The following PIWIL2 variants were observed in gnomAD, a reference collection of about 807,000 sequenced individuals.
PIWIL2 encodes piwi-like protein 2.
A neutral mutation model predicts 116.5 loss-of-function variants in PIWIL2; 81 were observed. The ratio of observed to expected loss-of-function variants is 0.70; its 90% CI spans 0.58 to 0.84. PIWIL2 has a LOEUF of 0.84. Ranked by LOEUF, PIWIL2 falls within the 40% of genes least tolerant of loss-of-function variation. PIWIL2 has a pLI of 0.00. For missense variants in PIWIL2, 1,272 were observed against 1,212.3 expected, an observed-to-expected ratio of 1.05 and a Z score of -0.73; for synonymous variants, 489 against 429.5, an observed-to-expected ratio of 1.14 and a Z score of -1.71.
intron 20 of PIWIL2, among the ~76,000 whole-genome samples, chr8:22,352,437 A>G (rs1327594139): frequency 6.6e-6 from 1 of 152,210 alleles, no homozygotes; most frequent in Non-Finnish European, 1.5e-5. Flanking sequence ...TGTATGTTTT[A>G]CACCATACCA....
intron 10 of PIWIL2, among the ~76,000 whole-genome samples, chr8:22,293,600 C>T (rs1427873363): frequency 6.6e-6 from 1 of 152,234 alleles, no homozygotes; most frequent in Non-Finnish European, 1.5e-5. Context: ...GCTGGGATTA[C>T]AGGCATGAAC....
rs189639554 is a variant in PIWIL2, at chr8:22,315,952, A to C, written c.2209-293A>C. Among the ~76,000 whole-genome samples the C allele has an allele frequency of 4.2e-4, 64 of 152,292 alleles. 1 individual carries two copies. Among genetic ancestry groups the C allele is most frequent in the African/African-American group, 1.5e-3 (64 of 41,564 alleles). The stretch of plus-strand genomic sequence containing the variant: ...CTTTGAGTGTCATGTCGGTGCTCAA[A>C]AGCTTTTCAGATTTGGGAATGCTCA... On this transcript the variant is annotated intron_variant, in intron 18 of 22. Coordinates refer to ENST00000356766, the MANE Select transcript of PIWIL2 (RefSeq NM_018068.5).
intron 10 of PIWIL2, among the ~76,000 whole-genome samples, chr8:22,293,408 T>C (rs1232292268): frequency 6.6e-6 from 1 of 152,196 alleles, no homozygotes; most frequent in Non-Finnish European, 1.5e-5. Context: ...GACATGATGT[T>C]GGTTCACTGC....
intron 1 of PIWIL2, among the ~76,000 whole-genome samples, chr8:22,278,066 G>T (rs142617200): frequency 6.6e-6 from 1 of 151,876 alleles, no homozygotes; most frequent in Non-Finnish European, 1.5e-5. Context: ...TACTCGGGAC[G>T]CTGAGGCAGG....
chr8:22,355,433 A>G lies in PIWIL2; in HGVS notation c.2850A>G (p.Leu950=), dbSNP rs777203467. ...CTCCTTGCAAGTATGCCCACAAGCT[A>G]GCTTTCCTGTCAGGACACATCTTGC... The part of the protein sequence containing the change: ...VPAPCKYAHK[L]AFLSGHILHH... The change falls in exon 23 of 23, where the codon CTA becomes CTG. Residue 950 remains leucine, a synonymous_variant. Coordinates refer to ENST00000356766, the MANE Select transcript of PIWIL2 (RefSeq NM_018068.5). The G allele has an allele frequency of 5.0e-6, 8 of 1,614,066 alleles. No individual in the cohort carries two copies. In the East Asian group the frequency reaches 1.6e-4, roughly 31 times the overall value.
intron 20 of PIWIL2, among the ~76,000 whole-genome samples, chr8:22,346,926 A>AG (rs953148429): frequency 4.6e-5 from 7 of 152,038 alleles, no homozygotes; most frequent in Admixed American, 4.6e-4. Context: ...CTGTAATCCC[A>AG]ACACTGGGAG....
intron 20 of PIWIL2, among the ~76,000 whole-genome samples, chr8:22,330,049 C>G (rs948808301): frequency 2.0e-5 from 3 of 152,118 alleles, no homozygotes; most frequent in Admixed American, 1.3e-4. Context: ...TCCTCTTGTT[C>G]TTCTCCTTTT....
intron 2 of PIWIL2, 127 bp from the exon 3 acceptor site, chr8:22,280,993 G>T (rs80293649): frequency 0.058 from 33,845 of 582,674 alleles, 1,295 homozygotes; most frequent in Admixed American, 0.1. Context: ...TTTATAAAAT[G>T]TTTCCCTTTA....
At chr8:22,302,530 ACT>A (rs983831194) in intron 10 of PIWIL2, among the ~76,000 whole-genome samples, 4 of 149,854 alleles carry the variant, frequency 2.7e-5, no homozygotes, top group African/African-American at 9.8e-5. Flanking sequence ...GAGACTAAAG[ACT>A]CTGTTATTTC....
Position 22,289,145 on chromosome 8 carries a change from CTTTTTTCTTTT to C in PIWIL2, c.986+486_986+496del, listed in dbSNP as rs1224789468. On this transcript the variant is annotated intron_variant, in intron 8 of 22. Transcript: ENST00000356766. ...AACACAACCTAATTTCTTTTCTTTT[CTTTTTTCTTTT>C]TTTTTTTTTTTTTGAGAGACGGAGT... Among the ~76,000 whole-genome samples, 11 of 146,408 alleles carry C rather than the reference CTTTTTTCTTTT, an allele frequency of 7.5e-5. No homozygotes were observed. The East Asian group carries it at 2.2e-3, about 29-fold the overall frequency.
intron 16 of PIWIL2, 113 bp from the exon 17 acceptor site, chr8:22,314,215 G>A (rs574162806): frequency 4.3e-6 from 2 of 467,976 alleles, no homozygotes; most frequent in East Asian, 6.6e-5. Flanking sequence ...TCAGTTCCCT[G>A]TCTTCCTTAA....
intron 20 of PIWIL2, among the ~76,000 whole-genome samples, chr8:22,345,152 A>C (rs1441744135): frequency 6.6e-6 from 1 of 152,224 alleles, no homozygotes; most frequent in Non-Finnish European, 1.5e-5. Flanking sequence ...AATAGCCACA[A>C]TACTCCAGCC....
intron 20 of PIWIL2, among the ~76,000 whole-genome samples, chr8:22,337,075 T>G (rs946777461): frequency 2.6e-5 from 4 of 152,186 alleles, no homozygotes; most frequent in African/African-American, 9.6e-5. Context: ...GAAACCAGTT[T>G]TGTTTTGCTT....
rs774230525 is a variant in PIWIL2 at position 22,304,011 on chromosome 8, C to T, written c.1182-10C>T. The T allele has an allele frequency of 1.9e-6, 3 of 1,599,382 alleles. No individual in the cohort carries two copies. The African/African-American group carries it at 4.0e-5, about 21-fold the overall frequency. Reference sequence around the variant, plus strand: ...ACTGTGATCCAAAAGTCTTTTATCTCTTTCCAAAGGCATGCCATTTATCAG... The same window carrying T: ...ACTGTGATCCAAAAGTCTTTTATCTTTTTCCAAAGGCATGCCATTTATCAG... On this transcript the variant is annotated splice_polypyrimidine_tract_variant and intron_variant, in intron 10 of 22. Coordinates refer to ENST00000356766, the MANE Select transcript of PIWIL2 (RefSeq NM_018068.5).
At chr8:22,294,379 C>T (rs1448413500) in intron 10 of PIWIL2, among the ~76,000 whole-genome samples, 25 of 144,314 alleles carry the variant, frequency 1.7e-4, no homozygotes, top group African/African-American at 5.6e-4. Context: ...TGGTGGCTCA[C>T]GCCTGTAATC....
intron 20 of PIWIL2, among the ~76,000 whole-genome samples, chr8:22,319,838 G>A (rs1831552829): frequency 6.6e-6 from 1 of 152,180 alleles, no homozygotes; most frequent in Non-Finnish European, 1.5e-5. Context: ...CACTTCTGCT[G>A]CATTCTAATT....
chr8:22,291,168 T>TGA (rs1380489540), intron 10 of PIWIL2, among the ~76,000 whole-genome samples: 1 of 151,248 alleles, frequency 6.6e-6, no homozygotes, highest in Non-Finnish European at 1.5e-5. Context: ...TTTTTTTTTC[T>TGA]GAGAGAGAGT....
intron 6 of PIWIL2, among the ~76,000 whole-genome samples, chr8:22,285,575 C>T (rs1262848897): frequency 6.6e-6 from 1 of 152,082 alleles, no homozygotes; most frequent in Non-Finnish European, 1.5e-5. Context: ...TGGATAAATA[C>T]CAAGAAGTGG....
chr8:22,334,449 G>A (rs1831933176), intron 20 of PIWIL2, among the ~76,000 whole-genome samples: 1 of 151,330 alleles, frequency 6.6e-6, no homozygotes, highest in Non-Finnish European at 1.5e-5. Context: ...TTGAACCTAG[G>A]AGGCGGAGGT....
Sources: gnomAD v4.1 joint callset for allele counts (sites outside exome capture counted in the v4.1 genomes callset) on GRCh38, gnomAD v4.1.1 for gene constraint, MANE v1.5 for transcripts, NCBI Gene and HGNC (gene_info 2026-07-23, HGNC 2026-07-21) for gene names.